MYO1E: variants seen among roughly 807,000 people sequenced by gnomAD.
The protein encoded by MYO1E is unconventional myosin-Ie.
A neutral mutation model predicts 151.1 loss-of-function variants in MYO1E; 68 were observed. That is an observed-to-expected ratio of 0.45 (90% CI 0.37 to 0.55). The LOEUF (loss-of-function observed/expected upper bound fraction) is 0.55, where lower values mean the gene tolerates loss of function less well. Among genes scored for constraint, MYO1E ranks in the 20% least tolerant of loss-of-function variants. The pLI is 0.00. For synonymous variants in MYO1E, 601 were observed against 501.7 expected (o/e 1.20, Z -2.64); for missense variants, 1,363 against 1,389.3 (o/e 0.98, Z 0.30).
chr15:59,178,812 A>G (rs759074266), intron 18 of MYO1E, among the ~76,000 whole-genome samples: 1 of 152,138 alleles, frequency 6.6e-6, no homozygotes, highest in Non-Finnish European at 1.5e-5. Context: ...TCTTTCTACC[A>G]CTGTCTGAAA....
At chr15:59,316,774 T>C (rs1222857366) in intron 1 of MYO1E, among the ~76,000 whole-genome samples, 1 of 152,186 alleles carries the variant, frequency 6.6e-6, no homozygotes, top group Non-Finnish European at 1.5e-5. Context: ...TAGCAAGTCT[T>C]TCAAAATATT....
chr15:59,247,937 C>G (rs917746723), intron 4 of MYO1E, among the ~76,000 whole-genome samples: 1 of 151,924 alleles, frequency 6.6e-6, no homozygotes, highest in Non-Finnish European at 1.5e-5. Context: ...GCCTGGCCAA[C>G]AGGGCGAAAC....
chr15:59,265,607 AT>A (rs2080248454), intron 2 of MYO1E, among the ~76,000 whole-genome samples: 1 of 152,046 alleles, frequency 6.6e-6, no homozygotes, highest in Admixed American at 6.6e-5. Context: ...TGCTCCCTAA[AT>A]TTATCAGTAG....
intron 4 of MYO1E, among the ~76,000 whole-genome samples, chr15:59,250,729 G>A (rs1481078482): frequency 6.6e-6 from 1 of 152,146 alleles, no homozygotes; most frequent in Non-Finnish European, 1.5e-5. Context: ...GAGGAGGCCT[G>A]TGTCCTTAAC....
chr15:59,166,029 G>C (rs774151013), intron 22 of MYO1E, among the ~76,000 whole-genome samples: 3 of 152,352 alleles, frequency 2.0e-5, no homozygotes, highest in Non-Finnish European at 2.9e-5. Flanking sequence ...GATTTATTAG[G>C]AGTTTCATTA....
intron 17 of MYO1E, among the ~76,000 whole-genome samples, chr15:59,190,781 A>G (rs1422538280): frequency 1.3e-5 from 2 of 152,238 alleles, no homozygotes; most frequent in African/African-American, 4.8e-5. Flanking sequence ...AGCTGTTATT[A>G]TCGTCATCCA....
chr15:59,309,407 G>C (rs1406681560), intron 1 of MYO1E, among the ~76,000 whole-genome samples: 1 of 152,186 alleles, frequency 6.6e-6, no homozygotes, highest in Non-Finnish European at 1.5e-5. Context: ...ACTTGTCAAA[G>C]GATTTTCCAT....
intron 1 of MYO1E, among the ~76,000 whole-genome samples, chr15:59,284,248 G>T (rs1277145638): frequency 6.6e-6 from 1 of 152,196 alleles, no homozygotes; most frequent in Non-Finnish European, 1.5e-5. Context: ...TGTGGCAGCA[G>T]CTATCGTGGG....
chr15:59,249,540 A>C (rs1223125646), intron 4 of MYO1E, among the ~76,000 whole-genome samples: 1 of 152,202 alleles, frequency 6.6e-6, no homozygotes, highest in Non-Finnish European at 1.5e-5. Context: ...GACTGACAGG[A>C]AACTAGAAAC....
At chr15:59,331,178 A>C (rs2080695934) in intron 1 of MYO1E, among the ~76,000 whole-genome samples, 1 of 152,196 alleles carries the variant, frequency 6.6e-6, no homozygotes, top group African/African-American at 2.4e-5. Flanking sequence ...CAAAGCCTAA[A>C]ATATTTACTA....
At chr15:59,206,784 T>C (rs1292483713) in intron 14 of MYO1E, 1 of 683,134 alleles carries the variant, frequency 1.5e-6, no homozygotes. Flanking sequence ...TCGGAGACTC[T>C]GGCAAGGCCC....
At chr15:59,138,091 G>A (rs2079384198) in intron 27 of MYO1E, 107 bp downstream of exon 27, 4 of 1,357,806 alleles carry the variant, frequency 2.9e-6, no homozygotes, top group East Asian at 4.6e-5. Context: ...TCTACAAATT[G>A]CAGTTTGAGG....
intron 24 of MYO1E, among the ~76,000 whole-genome samples, chr15:59,158,812 A>T (rs1254928485): frequency 6.6e-6 from 1 of 152,244 alleles, no homozygotes; most frequent in Non-Finnish European, 1.5e-5. Flanking sequence ...GCCTACGTCA[A>T]GCGCCTTGCA....
intron 26 of MYO1E, among the ~76,000 whole-genome samples, chr15:59,151,783 T>G (rs111688095): frequency 3.3e-5 from 5 of 151,072 alleles, no homozygotes; most frequent in African/African-American, 1.2e-4. Flanking sequence ...GTGCGGTGGC[T>G]CACATCTTAA....
intron 4 of MYO1E, among the ~76,000 whole-genome samples, chr15:59,248,378 T>A (rs2080143313): frequency 6.8e-6 from 1 of 146,466 alleles, no homozygotes; most frequent in Non-Finnish European, 1.5e-5. Flanking sequence ...CCCAGCTACT[T>A]GGGATGCTGA....
At position 59,208,702 on chromosome 15, in the gene MYO1E, G is replaced by A; in HGVS notation, c.1509C>T (p.Ile503=). Residue 503 remains isoleucine, a synonymous_variant, in exon 14 of 28, where the codon ATC becomes ATT. Coordinates refer to ENST00000288235, the MANE Select transcript of MYO1E (RefSeq NM_004998.4). ...ATACCTTCCCAGCATAATGATGAAT[G>A]ATGAAGCCTTGGTTCCAACTGTTGA... ...EHFNSWNQGF[I]IHHYAGKVSY... 1 of 1,614,224 alleles carries A rather than the reference G, an allele frequency of 6.2e-7. No homozygotes were observed. Among genetic ancestry groups the A allele is most frequent in the Non-Finnish European group, 8.5e-7 (1 of 1,180,016 alleles).
At chr15:59,353,757 C>CAA (rs11366940) in intron 1 of MYO1E, among the ~76,000 whole-genome samples, 26 of 129,868 alleles carry the variant, frequency 2.0e-4, no homozygotes, top group African/African-American at 6.1e-4. Context: ...AACTCCGTCT[C>CAA]AAAAAAAAAA....
chr15:59,358,727 T>G (rs1188184464), intron 1 of MYO1E, among the ~76,000 whole-genome samples: 1 of 152,252 alleles, frequency 6.6e-6, no homozygotes, highest in East Asian at 1.9e-4. Flanking sequence ...CATATTTATT[T>G]GGAGTCTGTA....
chr15:59,308,213 A>C, intron 1 of MYO1E, among the ~76,000 whole-genome samples: 1 of 101,702 alleles, frequency 9.8e-6, no homozygotes. Flanking sequence ...ACAGAGTGAG[A>C]CTCTGTCTCA....
Sources: allele counts gnomAD v4.1 joint callset (sites outside exome capture counted in the v4.1 genomes callset), GRCh38; gene constraint gnomAD v4.1.1; transcripts MANE v1.5; gene names NCBI Gene and HGNC (gene_info 2026-07-23, HGNC 2026-07-21).